ABCA12: variants seen among roughly 807,000 people sequenced by gnomAD.
ABCA12 encodes glucosylceramide transporter ABCA12.
ABCA12 carries 156 observed loss-of-function variants against 293.5 expected under a neutral mutation model. The observed-to-expected ratio is 0.53, with a 90% CI of 0.47 to 0.61. The LOEUF is 0.61. ABCA12 is among the 20% of genes least tolerant of loss of function. ABCA12 has a pLI of 0.00. For synonymous variants in ABCA12, 1,063 were observed against 1,108.0 expected, an observed-to-expected ratio of 0.96 and a Z score of 0.81; for missense variants, 2,797 against 3,090.2, an observed-to-expected ratio of 0.91 and a Z score of 2.25.
At chr2:215,054,845 A>C (rs186388656) in intron 3 of ABCA12, among the ~76,000 whole-genome samples, 181 bp from the exon 4 acceptor site, 2 of 152,248 alleles carry the variant, frequency 1.3e-5, no homozygotes, top group East Asian at 3.9e-4. Context: ...TCTCCTACAA[A>C]GTATATTTTT....
chr2:215,045,959 C>T lies in ABCA12; in HGVS notation c.750G>A (p.Leu250=). Residue 250 remains leucine, a synonymous_variant, in exon 7 of 53, where the codon CTG becomes CTA. Transcript: ENST00000272895. ...KIVFQEIVRM[L]SFFSQVQEQK... ...GCTCTTGCACTTGTGAGAAGAAAGACAGCATTCTGACTATTTCCTGAAACA... is the reference window on the plus strand; with the variant it reads ...GCTCTTGCACTTGTGAGAAGAAAGATAGCATTCTGACTATTTCCTGAAACA... 1.2e-6 allele frequency: 2 copies of T among 1,613,666 alleles called. No individual in the cohort carries two copies. The highest frequency in any genetic ancestry group is 1.1e-5 in the South Asian group (1 of 91,052).
chr2:215,046,100 A>C (rs1701197001), intron 6 of ABCA12, 85 bp from the exon 7 acceptor site: 2 of 1,418,020 alleles, frequency 1.4e-6, no homozygotes, highest in Non-Finnish European at 9.7e-7. Flanking sequence ...AGCATCAAAA[A>C]TCTAGATTTT....
chr2:215,132,656 G>T (rs1703085399), intron 1 of ABCA12, among the ~76,000 whole-genome samples: 2 of 151,892 alleles, frequency 1.3e-5, no homozygotes, highest in African/African-American at 4.8e-5. Flanking sequence ...GTCTCTTGTA[G>T]ACAGAAGATG....
intron 9 of ABCA12, among the ~76,000 whole-genome samples, chr2:215,031,399 T>C (rs1042688249): frequency 1.3e-5 from 2 of 152,172 alleles, no homozygotes; most frequent in African/African-American, 2.4e-5. Context: ...CCCAAGATGA[T>C]GGTATTAGGA....
In ABCA12 at chr2:215,034,951, G is replaced by A. The variant is rs148910988; in HGVS notation, c.985+2002C>T. 5.9e-5 allele frequency among the ~76,000 whole-genome samples: 9 copies of A among 152,288 alleles called. No individual in the cohort carries two copies. The East Asian group carries it at 1.7e-3, about 29-fold the overall frequency. ...TACCACCCCACTCCAGCATAACAGA[G>A]TAAAAAACCAAGGGAGAAAGGATGT... is the stretch of plus-strand genomic sequence containing the variant. On this transcript the variant is annotated intron_variant, in intron 8 of 52. Coordinates refer to ENST00000272895, the MANE Select transcript of ABCA12 (RefSeq NM_173076.3).
chr2:214,943,436 C>T (rs892738610), intron 49 of ABCA12, among the ~76,000 whole-genome samples: 6 of 152,046 alleles, frequency 3.9e-5, no homozygotes, highest in East Asian at 1.9e-4. Context: ...CATGAGCCAC[C>T]GTGCCTGGCC....
chr2:215,136,600 A>C (rs1378022956), intron 1 of ABCA12, among the ~76,000 whole-genome samples: 1 of 152,158 alleles, frequency 6.6e-6, no homozygotes, highest in Non-Finnish European at 1.5e-5. Flanking sequence ...TATCACTTAC[A>C]AACTTGACTG....
chr2:215,115,400 C>T (rs1352123891), intron 1 of ABCA12, among the ~76,000 whole-genome samples: 7 of 152,110 alleles, frequency 4.6e-5, no homozygotes, highest in Admixed American at 2.6e-4. Context: ...GAAGCAAATG[C>T]GGTGTCAAGG....
In ABCA12 at chr2:214,989,546, A is replaced by G. The variant is rs768062788; in HGVS notation, c.3694+6T>C. On this transcript the variant is annotated splice_donor_region_variant and intron_variant, in intron 25 of 52. Coordinates refer to ENST00000272895, the MANE Select transcript of ABCA12 (RefSeq NM_173076.3). ...TAAAATCCAGTTTTAAAGAAAGGGG[A>G]CCTACCAATGCCCTGTTCTTCGTAT... 2 of 1,614,048 alleles carry G rather than the reference A, an allele frequency of 1.2e-6. No homozygotes were observed. Among genetic ancestry groups the G allele is most frequent in the East Asian group, 4.5e-5 (2 of 44,866 alleles).
rs1699871542 is a variant in ABCA12, at chr2:214,989,633, G to A, written c.3625-12C>T. 1 of 1,613,422 alleles carries A rather than the reference G, an allele frequency of 6.2e-7. No individual in the cohort carries two copies. Among genetic ancestry groups the A allele is most frequent in the Non-Finnish European group, 8.5e-7 (1 of 1,179,706 alleles). On this transcript the variant is annotated splice_polypyrimidine_tract_variant and intron_variant, in intron 24 of 52. Transcript: ENST00000272895. ...GGGGACAGCAGGCTCTGTGAAGAAAGGAAACGGCAATGATAGTTCTTGTAG... is the reference window on the plus strand; with the variant it reads ...GGGGACAGCAGGCTCTGTGAAGAAAAGAAACGGCAATGATAGTTCTTGTAG...
intron 4 of ABCA12, 24 bp downstream of exon 4, chr2:215,054,549 A>G: frequency 6.3e-7 from 1 of 1,581,698 alleles, no homozygotes; most frequent in Non-Finnish European, 8.7e-7. Context: ...CTTGTTCTGA[A>G]CTCTACAGAA....
chr2:214,991,567 A>C (rs1484659516), intron 23 of ABCA12, among the ~76,000 whole-genome samples: 1 of 152,192 alleles, frequency 6.6e-6, no homozygotes, highest in Non-Finnish European at 1.5e-5. Context: ...TAAGAATTTA[A>C]AACACATAAC....
At chr2:215,122,717 A>G (rs1347285403) in intron 1 of ABCA12, among the ~76,000 whole-genome samples, 1 of 152,236 alleles carries the variant, frequency 6.6e-6, no homozygotes, top group African/African-American at 2.4e-5. Context: ...TCTTTAGGTC[A>G]GAAGGCTGGA....
intron 2 of ABCA12, among the ~76,000 whole-genome samples, chr2:215,108,289 T>C (rs1176548228): frequency 2.6e-5 from 4 of 152,264 alleles, no homozygotes; most frequent in Admixed American, 2.6e-4. Flanking sequence ...TACATTGGAA[T>C]GCACTTACTC....
intron 2 of ABCA12, among the ~76,000 whole-genome samples, chr2:215,106,140 C>T (rs997667886): frequency 1.3e-5 from 2 of 152,182 alleles, no homozygotes; most frequent in Admixed American, 6.5e-5. Context: ...CACCTCACTC[C>T]TCTGACTTTC....
At chr2:215,134,528 GTATATATGTA>G (rs1411936000) in intron 1 of ABCA12, among the ~76,000 whole-genome samples, 6 of 130,330 alleles carry the variant, frequency 4.6e-5, no homozygotes, top group African/African-American at 1.5e-4. Context: ...GTATATATAC[GTATATATGTA>G]CATATATACG....
At chr2:214,938,310 C>T (rs937897225) in intron 50 of ABCA12, among the ~76,000 whole-genome samples, 1 of 152,108 alleles carries the variant, frequency 6.6e-6, no homozygotes, top group East Asian at 1.9e-4. Context: ...GGCACATATA[C>T]ACCATAGTAT....
chr2:215,138,218 G>A lies in ABCA12; in HGVS notation c.-10C>T, dbSNP rs1217970630. The A allele has an allele frequency of 6.2e-7, 1 of 1,613,776 alleles. No homozygotes were observed. Among genetic ancestry groups the A allele is most frequent in the Admixed American group, 1.7e-5 (1 of 59,996 alleles). ...GAAACAGGGAAGCCATCCTTCAAAT[G>A]CCCCAAATGAGAGATTTCCTCTTCT... On this transcript the variant is annotated 5_prime_UTR_variant, in exon 1 of 53. Transcript: ENST00000272895.
intron 7 of ABCA12, among the ~76,000 whole-genome samples, chr2:215,042,867 T>A (rs1211028958): frequency 6.6e-6 from 1 of 152,164 alleles, no homozygotes; most frequent in Non-Finnish European, 1.5e-5. Context: ...TCACCCAACC[T>A]CTGGTAATCA....
Sources: gnomAD v4.1 joint callset for allele counts (sites outside exome capture counted in the v4.1 genomes callset) on GRCh38, gnomAD v4.1.1 for gene constraint, MANE v1.5 for transcripts, NCBI Gene and HGNC (gene_info 2026-07-23, HGNC 2026-07-21) for gene names.